The following BAK1 variants were observed in gnomAD, a reference collection of about 807,000 sequenced individuals.
The protein encoded by BAK1 is BCL2 antagonist/killer 1, also known as bcl-2 homologous antagonist/killer.
A neutral mutation model predicts 24.7 loss-of-function variants in BAK1; 19 were observed. The observed-to-expected ratio is 0.77, with a 90% CI of 0.54 to 1.13. The LOEUF (loss-of-function observed/expected upper bound fraction) is 1.13. BAK1 is among the 50% of genes most tolerant of loss of function. BAK1 has a pLI of 0.00. For synonymous variants in BAK1, 86 were observed against 107.3 expected (o/e 0.80, Z 1.23); for missense variants, 194 against 279.4 (o/e 0.69, Z 2.18).
In BAK1 at chr6:33,574,178, C is replaced by T. The variant is rs776079498; in HGVS notation, c.387G>A (p.Val129=). Reference sequence around the variant, plus strand: ...GACGGTAGCCGAAGCCCAGAAGAGCCACCACACGGCCCCAATTGATGCCAC... The same window carrying T: ...GACGGTAGCCGAAGCCCAGAAGAGCTACCACACGGCCCCAATTGATGCCAC... The part of the protein sequence containing the change: ...FESGINWGRV[V]ALLGFGYRLA... Residue 129 remains valine, a synonymous_variant, in exon 5 of 6, where the codon GTG becomes GTA. Transcript: ENST00000374467. The T allele has an allele frequency of 3.7e-6, 6 of 1,613,946 alleles. No homozygotes were observed. Among genetic ancestry groups the T allele is most frequent in the Admixed American group, 3.3e-5 (2 of 60,006 alleles).
At chr6:33,573,955 G>C (rs1322596924) in intron 5 of BAK1, 48 bp from the exon 6 acceptor site, 2 of 1,613,656 alleles carry the variant, frequency 1.2e-6, no homozygotes, top group African/African-American at 2.7e-5. Context: ...AGAAGATATA[G>C]GAACCCGAGG....
At position 33,575,396 on chromosome 6, in the gene BAK1, G is replaced by A; in HGVS notation, c.252C>T (p.Asp84=). 3.1e-6 allele frequency: 5 copies of A among 1,614,194 alleles called. No individual in the cohort carries two copies. The highest frequency in any genetic ancestry group is 4.2e-6 in the Non-Finnish European group (5 of 1,180,038). Residue 84 remains aspartate (D), a synonymous_variant, in exon 4 of 6, where the codon GAC becomes GAT. Coordinates refer to ENST00000374467, the MANE Select transcript of BAK1 (RefSeq NM_001188.4). This position sits in a 1 kb window ranked among gnomAD's most constrained non-coding sequence, Gnocchi z 6.3. ...ACTCTGAGTCATAGCGTCGGTTGAT[G>A]TCGTCCCCGATGATGGCGAGCTGCC... The part of the protein sequence containing the change: ...VGRQLAIIGD[D]INRRYDSEFQ...
chr6:33,576,399 G>C (rs1264759637), intron 2 of BAK1, among the ~76,000 whole-genome samples: 1 of 150,072 alleles, frequency 6.7e-6, no homozygotes, highest in Admixed American at 6.7e-5. Context: ...GGGAGGCCAA[G>C]GCGGGCGGAT....
chr6:33,573,227 G>T lies in BAK1; in HGVS notation c.*576C>A, dbSNP rs1241815781. 6.5e-6 allele frequency: 1 copy of T among 153,094 alleles called. No homozygotes were observed. The highest frequency in any genetic ancestry group is 2.4e-5 in the African/African-American group (1 of 41,274). 9.5% of individuals were successfully genotyped at this position (153,094 alleles called of 1,614,324 possible). A position where few individuals can be genotyped will look rare whatever the true frequency, so the allele number is the denominator to read the frequency against. On this transcript the variant is annotated 3_prime_UTR_variant, in exon 6 of 6. Transcript: ENST00000374467. ...AGGGAGGAATGGGAGCAGGGGTAGA[G>T]TTGAGCAGGACCTTGGCCCCCCTCT...
rs942093100 is a variant in BAK1, at chr6:33,578,249, T to C, written c.-31-614A>G. ...TGGGCTGTTAGCCGCAAACATTTCCTGAGAGCCTAAGATATACTCTCCCAC... is the reference window on the plus strand; with the variant it reads ...TGGGCTGTTAGCCGCAAACATTTCCCGAGAGCCTAAGATATACTCTCCCAC... On this transcript the variant is annotated intron_variant, in intron 1 of 5. Transcript: ENST00000374467. The surrounding 1 kb of genome is among the most constrained non-coding windows in gnomAD (Gnocchi z 4.8). Among the ~76,000 whole-genome samples, 2 of 152,218 alleles carry C rather than the reference T, an allele frequency of 1.3e-5. No homozygotes were observed. Among genetic ancestry groups the C allele is most frequent in the African/African-American group, 4.8e-5 (2 of 41,450 alleles).
chr6:33,579,725 C>T (rs1213735313), intron 1 of BAK1, among the ~76,000 whole-genome samples: 6 of 152,202 alleles, frequency 3.9e-5, no homozygotes, highest in African/African-American at 7.2e-5. Flanking sequence ...CAGCAGCAAG[C>T]GCTGAGAAAG....
chr6:33,574,053 A>G lies in BAK1; in HGVS notation c.512T>C (p.Ile171Thr). The change falls in exon 5 of 6, where the codon ATT becomes ACT. Residue 171 changes from isoleucine (I) to threonine (T), a missense_variant. By Grantham distance (89) the Ile-to-Thr change is moderately conservative. Transcript: ENST00000374467. Reference sequence around the variant, plus strand: ...ACTCACCCAGCCACCCCTCTGTGCAATCCACCGGGCAATGCAGTGATGCAG... The same window carrying G: ...ACTCACCCAGCCACCCCTCTGTGCAGTCCACCGGGCAATGCAGTGATGCAG... ...FMLHHCIARW[I>T]AQRGGWVAAL... 1.2e-6 allele frequency: 2 copies of G among 1,614,150 alleles called. No homozygotes were observed. Among genetic ancestry groups the G allele is most frequent in the Non-Finnish European group, 1.7e-6 (2 of 1,179,992 alleles).
At position 33,574,131 on chromosome 6, in the gene BAK1, T is replaced by C. The variant is rs755973013; in HGVS notation, c.434A>G (p.His145Arg). ...CTGGCCTAGGAAGCCAGTCAGGCCA[T>C]GCTGGTAGACGTGTAGGGCCAGACG... is the stretch of plus-strand genomic sequence containing the variant. The part of the protein sequence containing the change: ...GYRLALHVYQ[H>R]GLTGFLGQVT... Residue 145 changes from histidine to arginine, a missense_variant, in exon 5 of 6, where the codon CAT becomes CGT. By Grantham distance (29) the His-to-Arg change is conservative (BLOSUM62 0). Coordinates refer to ENST00000374467, the MANE Select transcript of BAK1 (RefSeq NM_001188.4). The C allele has an allele frequency of 1.7e-5, 28 of 1,614,046 alleles. No homozygotes were observed. In the Admixed American group the frequency reaches 2.5e-4, roughly 14 times the overall value.
In BAK1 at chr6:33,577,636, C is replaced by T. The variant is rs1239221953; in HGVS notation, c.-31-1G>A. On this transcript the variant is annotated splice_acceptor_variant, in intron 1 of 5. Coordinates refer to ENST00000374467, the MANE Select transcript of BAK1 (RefSeq NM_001188.4). LOFTEE classifies it low-confidence loss of function (5UTR_SPLICE). This position sits in a 1 kb window ranked among gnomAD's most constrained non-coding sequence, Gnocchi z 4.6. Reference sequence around the variant, plus strand: ...GGTCTCAGTGGAGGACGGGATCAGCCTGCGGGGAAGGGCGAGAAAAAGCAG... The same window carrying T: ...GGTCTCAGTGGAGGACGGGATCAGCTTGCGGGGAAGGGCGAGAAAAAGCAG... 8.5e-6 allele frequency: 13 copies of T among 1,534,040 alleles called. No individual in the cohort carries two copies. The East Asian group carries it at 3.2e-4, about 38-fold the overall frequency.
intron 2 of BAK1, among the ~76,000 whole-genome samples, chr6:33,576,366 C>T (rs1762845430): frequency 6.9e-6 from 1 of 145,132 alleles, no homozygotes; most frequent in African/African-American, 2.6e-5. Context: ...TGTGGTGGCT[C>T]ATGCCTGTAA....
chr6:33,575,780 G>T lies in BAK1; in HGVS notation c.206+13C>A. On this transcript the variant is annotated intron_variant, in intron 3 of 5. Transcript: ENST00000374467. This position sits in a 1 kb window ranked among gnomAD's most constrained non-coding sequence, Gnocchi z 6.3. ...CTGAAGATGTCCTTGTGGGCCCAGC[G>T]GTTGTAGCTCACCTGCTAGGTTGCA... 6.2e-7 allele frequency: 1 copy of T among 1,611,864 alleles called. No individual in the cohort carries two copies. The highest frequency in any genetic ancestry group is 8.5e-7 in the Non-Finnish European group (1 of 1,179,586).
intron 2 of BAK1, among the ~76,000 whole-genome samples, chr6:33,576,872 G>A (rs1417739994): frequency 6.6e-6 from 1 of 152,288 alleles, no homozygotes; most frequent in East Asian, 1.9e-4. Flanking sequence ...AGAACAAGCC[G>A]GGGAACCGGG....
At position 33,575,968 on chromosome 6, in the gene BAK1, C is replaced by A; in HGVS notation, c.71-40G>T. The A allele has an allele frequency of 6.2e-7, 1 of 1,612,188 alleles. No individual in the cohort carries two copies. The highest frequency in any genetic ancestry group is 8.5e-7 in the Non-Finnish European group (1 of 1,178,882). ...TGGGAGTCAGGGAGAGAGGGCCGAA[C>A]CCTGGCAGCCCCATGCCTTATAGGG... On this transcript the variant is annotated intron_variant, in intron 2 of 5. Coordinates refer to ENST00000374467, the MANE Select transcript of BAK1 (RefSeq NM_001188.4). The surrounding 1 kb of genome is among the most constrained non-coding windows in gnomAD (Gnocchi z 6.3).
In BAK1 at chr6:33,574,093, C is replaced by T. The variant is rs925053471; in HGVS notation, c.472G>A (p.Val158Met). ...TGFLGQVTRF[V>M]VDFMLHHCIA... is the part of the protein sequence containing the mutation. ...CAGTGATGCAGCATGAAGTCGACCA[C>T]GAAGCGGGTCACCTGGCCTAGGAAG... is the stretch of plus-strand genomic sequence containing the variant. Residue 158 changes from valine to methionine, a missense_variant, in exon 5 of 6, where the codon GTG (valine) becomes ATG (methionine). By Grantham distance (21) the Val-to-Met change is conservative. Transcript: ENST00000374467. 2.5e-6 allele frequency: 4 copies of T among 1,614,084 alleles called. No homozygotes were observed. The highest frequency in any genetic ancestry group is 2.7e-5 in the African/African-American group (2 of 74,942).
Position 33,577,679 on chromosome 6 carries a change from G to C in BAK1, c.-31-44C>G, listed in dbSNP as rs1381467169. On this transcript the variant is annotated intron_variant, in intron 1 of 5. Coordinates refer to ENST00000374467, the MANE Select transcript of BAK1 (RefSeq NM_001188.4). This position sits in a 1 kb window ranked among gnomAD's most constrained non-coding sequence, Gnocchi z 4.6. ...AAAAGCAGAGATGGGGGTGAGCACA[G>C]ACCTGTGACTGGGGACCCCATACAG... 4 of 1,346,960 alleles carry C rather than the reference G, an allele frequency of 3.0e-6. No individual in the cohort carries two copies. Among genetic ancestry groups the C allele is most frequent in the Middle Eastern group, 1.8e-4 (1 of 5,470 alleles). The allele number at this position is 1,346,960 out of a possible 1,614,324, so 83.4% of individuals were successfully genotyped here.
rs764966781 is a variant in BAK1, at chr6:33,577,596, C to G, written c.9G>C (p.Ser3=). 1.3e-6 allele frequency: 2 copies of G among 1,549,168 alleles called. No homozygotes were observed. Among genetic ancestry groups the G allele is most frequent in the African/African-American group, 1.4e-5 (1 of 73,116 alleles). The part of the protein sequence containing the change: MA[S]GQGPGPPRQE... ...GCCTGGGAGGACCTGGGCCTTGCCC[C>G]GAAGCCATTTTTCAGGTCTCAGTGG... Residue 3 remains serine (S), a synonymous_variant, in exon 2 of 6, where the codon TCG becomes TCC. Coordinates refer to ENST00000374467, the MANE Select transcript of BAK1 (RefSeq NM_001188.4). This position sits in a 1 kb window ranked among gnomAD's most constrained non-coding sequence, Gnocchi z 4.6.
chr6:33,578,090 TC>T lies in BAK1; in HGVS notation c.-31-456del, dbSNP rs1216932886. Among the ~76,000 whole-genome samples, 2 of 152,136 alleles carry T rather than the reference TC, an allele frequency of 1.3e-5. No homozygotes were observed. The highest frequency in any genetic ancestry group is 3.9e-4 in the East Asian group (2 of 5,184). On this transcript the variant is annotated intron_variant, in intron 1 of 5. Coordinates refer to ENST00000374467, the MANE Select transcript of BAK1 (RefSeq NM_001188.4). This position sits in a 1 kb window ranked among gnomAD's most constrained non-coding sequence, Gnocchi z 4.8. ...AAGAGCCTGGGGGGTTTTTAGCTGT[TC>T]CTGGGGCCTCCTGCAGCCCACCCAG...
intron 1 of BAK1, among the ~76,000 whole-genome samples, chr6:33,579,527 G>A (rs1762902095): frequency 6.6e-6 from 1 of 152,126 alleles, no homozygotes; most frequent in African/African-American, 2.4e-5. Context: ...AGCAGGTAGA[G>A]CCTCAGAACA....
In BAK1 at chr6:33,577,070, G is replaced by C. The variant is rs1394121464; in HGVS notation, c.70+465C>G. ...CAGGGAACAGCCCGCCGTGAGGTGT[G>C]AGCTGGGGCTTCCCTGGCTATCCCC... On this transcript the variant is annotated intron_variant, in intron 2 of 5. Transcript: ENST00000374467. This position sits in a 1 kb window ranked among gnomAD's most constrained non-coding sequence, Gnocchi z 4.6. 6.6e-6 allele frequency among the ~76,000 whole-genome samples: 1 copy of C among 152,224 alleles called. No individual in the cohort carries two copies. Among genetic ancestry groups the C allele is most frequent in the African/African-American group, 2.4e-5 (1 of 41,458 alleles).
Sources: gnomAD v4.1 joint callset for allele counts (sites outside exome capture counted in the v4.1 genomes callset) on GRCh38, gnomAD v4.1.1 for gene constraint, Gnocchi (gnomAD v3.1) non-coding constraint, MANE v1.5 for transcripts, NCBI Gene and HGNC (gene_info 2026-07-23, HGNC 2026-07-21) for gene names.